The following BNC2 variants were observed in gnomAD, a reference collection of about 807,000 sequenced individuals.
The protein encoded by BNC2 is zinc finger protein basonuclin-2.
In BNC2, 20 loss-of-function variants were observed where a neutral mutation model predicts 76.3. The ratio of observed to expected loss-of-function variants is 0.26; its 90% CI spans 0.18 to 0.38. The LOEUF (loss-of-function observed/expected upper bound fraction) is 0.38. BNC2 is among the 10% of genes least tolerant of loss of function. BNC2 has a pLI of 1.00. For synonymous variants in BNC2, 582 were observed against 514.8 expected (o/e 1.13, Z -1.77); for missense variants, 1,382 against 1,399.8 (o/e 0.99, Z 0.20).
At chr9:16,740,263 A>G (rs1489421746) in intron 1 of BNC2, among the ~76,000 whole-genome samples, 1 of 152,198 alleles carries the variant, frequency 6.6e-6, no homozygotes, top group East Asian at 1.9e-4. Flanking sequence ...GAGCAAACCA[A>G]AAGGCATGGG....
At chr9:16,611,844 A>G (rs1442190073) in intron 3 of BNC2, among the ~76,000 whole-genome samples, 1 of 148,102 alleles carries the variant, frequency 6.8e-6, no homozygotes, top group Non-Finnish European at 1.5e-5. Flanking sequence ...ATTTTTGAAA[A>G]TTCATATACA....
chr9:16,773,052 T>G (rs984145058), intron 1 of BNC2, among the ~76,000 whole-genome samples: 1 of 152,326 alleles, frequency 6.6e-6, no homozygotes, highest in South Asian at 2.1e-4. Context: ...ACTGTGTCTA[T>G]AGTGAGTCCT....
At chr9:16,676,067 T>C (rs1482292176) in intron 3 of BNC2, among the ~76,000 whole-genome samples, 2 of 152,208 alleles carry the variant, frequency 1.3e-5, no homozygotes, top group African/African-American at 2.4e-5. Context: ...TCTGTCTCAA[T>C]CAATCAATCA....
chr9:16,776,985 G>T (rs1337710421), intron 1 of BNC2, among the ~76,000 whole-genome samples: 1 of 152,020 alleles, frequency 6.6e-6, no homozygotes, highest in African/African-American at 2.4e-5. Context: ...AATTAGCTGG[G>T]CATGGTGGCA....
chr9:16,847,572 A>C (rs967689166), intron 1 of BNC2, among the ~76,000 whole-genome samples: 5 of 152,178 alleles, frequency 3.3e-5, no homozygotes, highest in Non-Finnish European at 7.3e-5. Context: ...CAGGAATAGA[A>C]CATTAAATTC....
intron 1 of BNC2, among the ~76,000 whole-genome samples, chr9:16,772,994 C>A (rs1480188608): frequency 6.6e-6 from 1 of 152,088 alleles, no homozygotes; most frequent in South Asian, 2.1e-4. Context: ...CCTTAATGAA[C>A]CTGTTTGCAA....
chr9:16,728,774 C>T (rs1824426001), intron 2 of BNC2, among the ~76,000 whole-genome samples: 2 of 151,284 alleles, frequency 1.3e-5, no homozygotes, highest in African/African-American at 4.9e-5. Context: ...TAAACATTTG[C>T]CAAATATAAA....
chr9:16,803,185 C>T (rs1817824740), intron 1 of BNC2, among the ~76,000 whole-genome samples: 1 of 152,180 alleles, frequency 6.6e-6, no homozygotes, highest in Non-Finnish European at 1.5e-5. Flanking sequence ...CAGGAAGGCA[C>T]CACTCCTTGG....
At chr9:16,787,208 G>T (rs932591324) in intron 1 of BNC2, among the ~76,000 whole-genome samples, 1 of 152,194 alleles carries the variant, frequency 6.6e-6, no homozygotes, top group South Asian at 2.1e-4. Context: ...AAGAGTGTCA[G>T]AAGCCCTGGG....
intron 3 of BNC2, among the ~76,000 whole-genome samples, chr9:16,635,694 T>C (rs527445993): frequency 9.2e-5 from 14 of 152,354 alleles, no homozygotes; most frequent in Non-Finnish European, 1.9e-4. Context: ...GGCCAACTTT[T>C]GTTGGCAACT....
In BNC2 at chr9:16,436,040, A is replaced by G. The variant is rs1821004647; in HGVS notation, c.2154T>C (p.Pro718=). The change falls in exon 6 of 7, where the codon CCT becomes CCC. Residue 718 remains proline (P), a synonymous_variant. Transcript: ENST00000380672. ...CAGACTCGTTCTCATAGTCCCGCTC[A>G]GGTTCTTGGTCTTCAGAAGTCATGC... ...ADSMTSEDQE[P]ERDYENESES... 7.4e-6 allele frequency: 12 copies of G among 1,614,102 alleles called. No individual in the cohort carries two copies. Among genetic ancestry groups the G allele is most frequent in the Non-Finnish European group, 1.0e-5 (12 of 1,180,014 alleles).
intron 3 of BNC2, among the ~76,000 whole-genome samples, chr9:16,610,066 C>T (rs1367107965): frequency 6.6e-6 from 1 of 152,034 alleles, no homozygotes; most frequent in Non-Finnish European, 1.5e-5. Flanking sequence ...ATTATTTCCA[C>T]AAATTCTAAA....
intron 5 of BNC2, among the ~76,000 whole-genome samples, chr9:16,458,408 T>A (rs1040225173): frequency 1.3e-5 from 2 of 152,190 alleles, no homozygotes; most frequent in African/African-American, 4.8e-5. Context: ...AAAATCAATA[T>A]TGGGATATTA....
At chr9:16,793,335 T>C (rs1338295441) in intron 1 of BNC2, among the ~76,000 whole-genome samples, 1 of 152,178 alleles carries the variant, frequency 6.6e-6, no homozygotes, top group African/African-American at 2.4e-5. Context: ...TAAATTAATA[T>C]AAACCATACA....
chr9:16,860,629 G>C (rs1819382756), intron 1 of BNC2, among the ~76,000 whole-genome samples: 1 of 152,132 alleles, frequency 6.6e-6, no homozygotes, highest in South Asian at 2.1e-4. Flanking sequence ...TCATGATCTT[G>C]GGTTAGACAA....
At chr9:16,586,396 C>A (rs1312514879) in intron 3 of BNC2, among the ~76,000 whole-genome samples, 2 of 152,196 alleles carry the variant, frequency 1.3e-5, no homozygotes, top group Non-Finnish European at 2.9e-5. Context: ...CTCACCACCA[C>A]CTACATTTTA....
At chr9:16,550,175 A>C (rs1421898974) in intron 5 of BNC2, among the ~76,000 whole-genome samples, 2 of 152,204 alleles carry the variant, frequency 1.3e-5, no homozygotes, top group Admixed American at 6.5e-5. Context: ...TCCAACCCAC[A>C]GCCCACGGGC....
intron 3 of BNC2, among the ~76,000 whole-genome samples, chr9:16,701,968 A>G (rs1385797267): frequency 1.3e-5 from 2 of 151,524 alleles, no homozygotes; most frequent in Non-Finnish European, 2.9e-5. Flanking sequence ...GACCAACCAC[A>G]ATAATATTAA....
At chr9:16,604,191 C>A (rs1820317537) in intron 3 of BNC2, among the ~76,000 whole-genome samples, 1 of 152,112 alleles carries the variant, frequency 6.6e-6, no homozygotes, top group African/African-American at 2.4e-5. Context: ...CAATACAAAG[C>A]AAACATCTGG....
Sources: gnomAD v4.1 joint callset for allele counts (sites outside exome capture counted in the v4.1 genomes callset) on GRCh38, gnomAD v4.1.1 for gene constraint, MANE v1.5 for transcripts, NCBI Gene and HGNC (gene_info 2026-07-23, HGNC 2026-07-21) for gene names.